PPP2CB: variants seen among roughly 807,000 people sequenced by gnomAD.
The protein encoded by PPP2CB is serine/threonine-protein phosphatase 2A catalytic subunit beta isoform.
Under a neutral mutation model 39.1 loss-of-function variants are expected in PPP2CB, and 18 were observed. The ratio of observed to expected loss-of-function variants is 0.46; its 90% CI spans 0.32 to 0.68. PPP2CB has a LOEUF of 0.68. Among genes scored for constraint, PPP2CB ranks in the 30% least tolerant of loss-of-function variants. The pLI is 0.04. For missense variants in PPP2CB, 226 were observed against 396.9 expected (o/e 0.57, Z 3.66); for synonymous variants, 129 against 133.8 (o/e 0.96, Z 0.25).
intron 6 of PPP2CB, among the ~76,000 whole-genome samples, chr8:30,788,252 C>CTTGTTTTTTTTT (rs1234130985): frequency 6.6e-6 from 1 of 151,158 alleles, no homozygotes; most frequent in South Asian, 2.1e-4. Context: ...TTCAAATCTT[C>CTTGTTTTTTTTT]TTGTTTTTTT....
intron 1 of PPP2CB, 21 bp from the exon 2 acceptor site, chr8:30,799,776 A>G (rs1806589643): frequency 3.7e-6 from 6 of 1,600,326 alleles, no homozygotes; most frequent in Admixed American, 3.3e-5. Flanking sequence ...AGTGAAATCA[A>G]CAATTACAAA....
At position 30,812,493 on chromosome 8, in the gene PPP2CB, G is replaced by A. The variant is rs1274094628; in HGVS notation, c.-72C>T. ...CCCTCCCCCCTCCCCACCCGCCCCC[G>A]GCCCCGGCCCGGGCGCCGCTCCCCT... On this transcript the variant is annotated 5_prime_UTR_variant, in exon 1 of 7. Transcript: ENST00000221138. 4.5e-6 allele frequency: 4 copies of A among 889,458 alleles called. No individual in the cohort carries two copies. The highest frequency in any genetic ancestry group is 4.1e-5 in the South Asian group (2 of 48,284). 55.1% of individuals were successfully genotyped at this position (889,458 alleles called of 1,614,324 possible).
At chr8:30,807,739 C>CT (rs1440190036) in intron 1 of PPP2CB, among the ~76,000 whole-genome samples, 2 of 152,194 alleles carry the variant, frequency 1.3e-5, no homozygotes, top group Non-Finnish European at 1.5e-5. Context: ...GCAGTGCCAG[C>CT]CTGGCTCTCT....
At chr8:30,793,835 T>C in intron 5 of PPP2CB, 82 bp downstream of exon 5, 1 of 1,397,620 alleles carries the variant, frequency 7.2e-7, no homozygotes, top group Admixed American at 2.6e-5. Flanking sequence ...GTGAGGAATG[T>C]TTCTTAGTTA....
chr8:30,802,612 T>C (rs1806645271), intron 1 of PPP2CB, among the ~76,000 whole-genome samples: 1 of 152,174 alleles, frequency 6.6e-6, no homozygotes, highest in Admixed American at 6.5e-5. Flanking sequence ...CCTAAAGTGC[T>C]GAGATTGCAG....
At chr8:30,786,502 G>A (rs1806344127) in intron 6 of PPP2CB, 195 bp from the exon 7 acceptor site, 2 of 387,938 alleles carry the variant, frequency 5.2e-6, no homozygotes, top group Non-Finnish European at 9.1e-6. Flanking sequence ...GGGCTATGGT[G>A]AAAATTTAAG....
At position 30,791,313 on chromosome 8, in the gene PPP2CB, T is replaced by G; in HGVS notation, c.741A>C (p.Gly247=). 1 of 1,590,532 alleles carries G rather than the reference T, an allele frequency of 6.3e-7. No individual in the cohort carries two copies. Among genetic ancestry groups the G allele is most frequent in the Non-Finnish European group, 8.6e-7 (1 of 1,162,604 alleles). ...VSRAHQLVME[G]YNWCHDRNVV... ...CATTCCGATCATGACACCAATTGTA[T>G]CCCTGCAGGATAAAAACAAATTCAT... Residue 247 remains glycine (G), a splice_region_variant and synonymous_variant, in exon 6 of 7, where the codon GGA becomes GGC. Transcript: ENST00000221138.
At chr8:30,803,909 G>A (rs1170329799) in intron 1 of PPP2CB, among the ~76,000 whole-genome samples, 2 of 151,006 alleles carry the variant, frequency 1.3e-5, no homozygotes, top group East Asian at 1.9e-4. Flanking sequence ...TGCAACCTCC[G>A]CCTCCTGGAT....
chr8:30,808,186 C>T (rs935439674), intron 1 of PPP2CB, among the ~76,000 whole-genome samples: 1 of 151,540 alleles, frequency 6.6e-6, no homozygotes, highest in Non-Finnish European at 1.5e-5. Context: ...GCAACTTCTG[C>T]CTCCTGGGTT....
chr8:30,791,083 G>A, intron 6 of PPP2CB, 114 bp downstream of exon 6: 1 of 629,156 alleles, frequency 1.6e-6, no homozygotes, highest in Non-Finnish European at 2.7e-6. Flanking sequence ...TATTTTTGCT[G>A]GAGAGGGGCT....
chr8:30,790,273 G>A (rs927691342), intron 6 of PPP2CB, among the ~76,000 whole-genome samples: 2 of 152,122 alleles, frequency 1.3e-5, no homozygotes, highest in African/African-American at 4.8e-5. Flanking sequence ...TAGTGCATGT[G>A]CACAGCCTTC....
intron 1 of PPP2CB, among the ~76,000 whole-genome samples, chr8:30,803,039 T>C (rs1441798995): frequency 6.6e-6 from 1 of 152,102 alleles, no homozygotes; most frequent in Non-Finnish European, 1.5e-5. Context: ...ATGAGGAAAA[T>C]TGTTTTGGAA....
At chr8:30,792,270 G>T (rs926183277) in intron 5 of PPP2CB, among the ~76,000 whole-genome samples, 2 of 152,082 alleles carry the variant, frequency 1.3e-5, no homozygotes, top group South Asian at 4.2e-4. Flanking sequence ...GCCCAGGCTG[G>T]TCTCGAACTC....
intron 3 of PPP2CB, 75 bp downstream of exon 3, chr8:30,797,506 T>C (rs893278571): frequency 6.4e-6 from 9 of 1,401,370 alleles, no homozygotes; most frequent in Admixed American, 4.4e-5. Flanking sequence ...CATATGAATC[T>C]AGACCCCAGC....
At chr8:30,796,520 C>A (rs1806529231) in intron 3 of PPP2CB, among the ~76,000 whole-genome samples, 1 of 152,086 alleles carries the variant, frequency 6.6e-6, no homozygotes. Flanking sequence ...GTAGCTGGGA[C>A]TGGGACTACA....
At chr8:30,791,901 T>C (rs964600286) in intron 5 of PPP2CB, among the ~76,000 whole-genome samples, 1 of 151,966 alleles carries the variant, frequency 6.6e-6, no homozygotes, top group African/African-American at 2.4e-5. Flanking sequence ...CATGTGTATA[T>C]ACATGTGTAT....
chr8:30,791,797 ATAGT>A (rs1349661635), intron 5 of PPP2CB, among the ~76,000 whole-genome samples: 2 of 151,902 alleles, frequency 1.3e-5, no homozygotes, highest in Non-Finnish European at 2.9e-5. Flanking sequence ...AGTATTATAT[ATAGT>A]GTGTATACAT....
At chr8:30,791,557 G>C in intron 5 of PPP2CB, 1 of 316,556 alleles carries the variant, frequency 3.2e-6, no homozygotes, top group Non-Finnish European at 5.7e-6. Context: ...ATCTATGCTT[G>C]AAATCTTGGC....
Position 30,810,593 on chromosome 8 carries a change from G to A in PPP2CB, c.102+1727C>T, listed in dbSNP as rs562728996. 5.9e-5 allele frequency among the ~76,000 whole-genome samples: 9 copies of A among 152,270 alleles called. No homozygotes were observed. The South Asian group carries it at 1.9e-3, about 32-fold the overall frequency. ...ATTTCAAACCTGTACATTTCACTTC[G>A]CATTAGAGCTGGAGAGAGATGTTTA... On this transcript the variant is annotated intron_variant, in intron 1 of 6. Coordinates refer to ENST00000221138, the MANE Select transcript of PPP2CB (RefSeq NM_001009552.2).
Sources: allele counts gnomAD v4.1 joint callset (sites outside exome capture counted in the v4.1 genomes callset), GRCh38; gene constraint gnomAD v4.1.1; transcripts MANE v1.5; gene names NCBI Gene and HGNC (gene_info 2026-07-23, HGNC 2026-07-21).